Variants in UMAD1 observed in about 807,000 individuals in gnomAD.
UMAD1 encodes UBAP1-MVB12-associated (UMA)-domain containing protein 1.
A neutral mutation model predicts 6.1 loss-of-function variants in UMAD1; 8 were observed. The observed-to-expected ratio is 1.30, with a 90% CI of 0.76 to 2.35. UMAD1 has a LOEUF of 2.35. Among genes scored for constraint, UMAD1 ranks in the 30% most tolerant of loss-of-function variants. The probability of loss-of-function intolerance (pLI) is 0.00; values close to 1 mark genes in which losing one functional copy is unlikely to be tolerated. For missense variants in UMAD1, 130 were observed against 78.4 expected, an observed-to-expected ratio of 1.66 and a Z score of -2.49; for synonymous variants, 56 against 31.4, an observed-to-expected ratio of 1.78 and a Z score of -2.61.
intron 3 of UMAD1, among the ~76,000 whole-genome samples, chr7:7,833,161 G>A (rs184945109): frequency 7.9e-5 from 12 of 152,244 alleles, no homozygotes; most frequent in Middle Eastern, 3.4e-3. Flanking sequence ...GAGGCACTGC[G>A]TGGTTTTGAT....
At chr7:7,731,680 A>C (rs1781262140) in intron 2 of UMAD1, among the ~76,000 whole-genome samples, 1 of 152,128 alleles carries the variant, frequency 6.6e-6, no homozygotes, top group South Asian at 2.1e-4. Context: ...TTTTCAGAAA[A>C]ATTTTTTTTA....
chr7:7,837,857 T>G (rs941327095), intron 3 of UMAD1, among the ~76,000 whole-genome samples: 4 of 152,122 alleles, frequency 2.6e-5, no homozygotes, highest in African/African-American at 9.7e-5. Flanking sequence ...TACATAAGGG[T>G]ACGTAAAGGT....
intron 2 of UMAD1, among the ~76,000 whole-genome samples, chr7:7,797,220 G>A (rs1333767646): frequency 6.6e-6 from 1 of 152,064 alleles, no homozygotes; most frequent in African/African-American, 2.4e-5. Context: ...CCTCTCACAT[G>A]GACTAATAGA....
chr7:7,784,817 A>G (rs961242438), intron 2 of UMAD1, among the ~76,000 whole-genome samples: 2 of 122,458 alleles, frequency 1.6e-5, no homozygotes, highest in African/African-American at 6.9e-5. Context: ...GCTGGAGTGC[A>G]GTGGCGCGAT....
intron 2 of UMAD1, among the ~76,000 whole-genome samples, chr7:7,686,788 A>G (rs994674273): frequency 1.3e-5 from 2 of 152,208 alleles, no homozygotes; most frequent in Non-Finnish European, 2.9e-5. Flanking sequence ...TGTGAAGATT[A>G]TGATGAAGTT....
At chr7:7,648,881 G>T (rs540672747) in intron 1 of UMAD1, among the ~76,000 whole-genome samples, 1 of 149,414 alleles carries the variant, frequency 6.7e-6, no homozygotes, top group African/African-American at 2.5e-5. Context: ...AAAAAAGGCC[G>T]GGCGCGGTCG....
intron 3 of UMAD1, among the ~76,000 whole-genome samples, chr7:7,802,429 A>G (rs573691249): frequency 5.9e-5 from 9 of 152,250 alleles, no homozygotes; most frequent in African/African-American, 2.2e-4. Context: ...TAGTTCCAGC[A>G]TCAAAGTACA....
intron 3 of UMAD1, among the ~76,000 whole-genome samples, chr7:7,858,713 G>T (rs1002764389): frequency 6.6e-6 from 1 of 152,156 alleles, no homozygotes; most frequent in Non-Finnish European, 1.5e-5. Context: ...TCACATGGTG[G>T]CCAGGAAGGA....
intron 2 of UMAD1, among the ~76,000 whole-genome samples, chr7:7,769,696 A>G (rs1782065127): frequency 6.6e-6 from 1 of 152,208 alleles, no homozygotes; most frequent in Non-Finnish European, 1.5e-5. Flanking sequence ...TAGAGGAAGC[A>G]GCATGTCCTA....
intron 2 of UMAD1, among the ~76,000 whole-genome samples, chr7:7,788,423 C>G (rs1331536863): frequency 2.6e-5 from 4 of 152,162 alleles, no homozygotes; most frequent in Non-Finnish European, 5.9e-5. Flanking sequence ...TATTCTCATA[C>G]TATTTAGCCG....
intron 2 of UMAD1, among the ~76,000 whole-genome samples, chr7:7,766,975 C>T (rs924392293): frequency 6.6e-6 from 1 of 152,062 alleles, no homozygotes; most frequent in Non-Finnish European, 1.5e-5. Flanking sequence ...ATTCTGCTTT[C>T]ATAAATCCTC....
intron 2 of UMAD1, among the ~76,000 whole-genome samples, chr7:7,763,372 A>G (rs1781927225): frequency 6.6e-6 from 1 of 152,038 alleles, no homozygotes; most frequent in South Asian, 2.1e-4. Context: ...CTGGGTAGTG[A>G]CCCTAGTACT....
At chr7:7,856,969 G>C (rs149647949) in intron 3 of UMAD1, among the ~76,000 whole-genome samples, 1 of 152,112 alleles carries the variant, frequency 6.6e-6, no homozygotes, top group East Asian at 1.9e-4. Context: ...TTCAACTTGT[G>C]ATTTGCTTTA....
chr7:7,804,786 T>C (rs913681440), intron 3 of UMAD1, among the ~76,000 whole-genome samples: 10 of 151,838 alleles, frequency 6.6e-5, no homozygotes, highest in South Asian at 2.1e-4. Context: ...TCAAGACCAT[T>C]CTGGCTAACA....
At chr7:7,707,654 T>C (rs1305607308) in intron 2 of UMAD1, among the ~76,000 whole-genome samples, 1 of 152,162 alleles carries the variant, frequency 6.6e-6, no homozygotes, top group Non-Finnish European at 1.5e-5. Flanking sequence ...AAAAAAGACC[T>C]CTTTAGTTTT....
At chr7:7,823,169 A>G (rs1192523922) in intron 3 of UMAD1, among the ~76,000 whole-genome samples, 1 of 152,130 alleles carries the variant, frequency 6.6e-6, no homozygotes, top group Non-Finnish European at 1.5e-5. Context: ...GTTGTGCTTC[A>G]TAATCCCCTA....
chr7:7,680,487 T>G (rs10265028), intron 2 of UMAD1, among the ~76,000 whole-genome samples: 7,623 of 152,258 alleles, frequency 0.05, 575 homozygotes, highest in African/African-American at 0.17. Context: ...CGTCTAATTT[T>G]GTTGTTTTTG....
chr7:7,831,494 A>C (rs1783466327), intron 3 of UMAD1, among the ~76,000 whole-genome samples: 1 of 152,208 alleles, frequency 6.6e-6, no homozygotes, highest in Non-Finnish European at 1.5e-5. Flanking sequence ...AGTGGCCTCT[A>C]AATCACAGGC....
chr7:7,821,239 T>G (rs1292833643), intron 3 of UMAD1, among the ~76,000 whole-genome samples: 1 of 152,182 alleles, frequency 6.6e-6, no homozygotes, highest in Non-Finnish European at 1.5e-5. Flanking sequence ...TTGCCGCTTG[T>G]GGCTATTGAG....
Sources: allele counts gnomAD v4.1 joint callset (sites outside exome capture counted in the v4.1 genomes callset), GRCh38; gene constraint gnomAD v4.1.1; transcripts MANE v1.5; gene names NCBI Gene and HGNC (gene_info 2026-07-23, HGNC 2026-07-21).